The following KSR1 variants were observed in gnomAD, a reference collection of about 807,000 sequenced individuals.
KSR1 encodes the protein kinase suppressor of ras.
KSR1 carries 35 observed loss-of-function variants against 92.9 expected under a neutral mutation model. The ratio of observed to expected loss-of-function variants is 0.38; its 90% CI spans 0.29 to 0.50. The LOEUF is 0.50. Among genes scored for constraint, KSR1 ranks in the 20% least tolerant of loss-of-function variants. The pLI, the probability that KSR1 is intolerant of heterozygous loss-of-function variation, is 0.94. For missense variants in KSR1, 972 were observed against 1,158.5 expected (o/e 0.84, Z 2.34); for synonymous variants, 467 against 472.6 (o/e 0.99, Z 0.15).
At chr17:27,531,377 G>T (rs1020081760) in intron 1 of KSR1, among the ~76,000 whole-genome samples, 1 of 152,248 alleles carries the variant, frequency 6.6e-6, no homozygotes, top group Non-Finnish European at 1.5e-5. Flanking sequence ...GGGAGGCCAC[G>T]CCTTTGAAGG....
At chr17:27,590,115 G>A (rs1375009746) in intron 6 of KSR1, among the ~76,000 whole-genome samples, 1 of 152,176 alleles carries the variant, frequency 6.6e-6, no homozygotes, top group African/African-American at 2.4e-5. Flanking sequence ...TGAAGATGAA[G>A]AACATTCCAG....
chr17:27,562,408 G>T (rs1300101831), intron 2 of KSR1, among the ~76,000 whole-genome samples: 1 of 152,260 alleles, frequency 6.6e-6, no homozygotes, highest in Non-Finnish European at 1.5e-5. Flanking sequence ...TCTCTGGGGA[G>T]GGTGAAGACG....
chr17:27,570,224 T>C (rs2072252486), intron 2 of KSR1, among the ~76,000 whole-genome samples: 2 of 152,168 alleles, frequency 1.3e-5, no homozygotes, highest in Non-Finnish European at 2.9e-5. Flanking sequence ...AAATAAACGC[T>C]GCCCTGGGAA....
In KSR1 at chr17:27,585,674, C is replaced by T. The variant is rs1331267950; in HGVS notation, c.985+13C>T. The T allele has an allele frequency of 1.3e-6, 1 of 763,848 alleles. No individual in the cohort carries two copies. Among genetic ancestry groups the T allele is most frequent in the Non-Finnish European group, 2.4e-6 (1 of 409,758 alleles). The allele number at this position is 763,848 out of a possible 1,614,324, so 47.3% of individuals were successfully genotyped here. On this transcript the variant is annotated intron_variant, in intron 5 of 20. Coordinates refer to ENST00000644974, the MANE Select transcript of KSR1 (RefSeq NM_001394583.1). The stretch of plus-strand genomic sequence containing the variant: ...TCCTCCAGGTTTGGTAAGAGAGATT[C>T]ATTTCCATCCCCTCTACCACCTGGG...
At chr17:27,622,664 C>G (rs112634668) in intron 20 of KSR1, 3 of 152,962 alleles carry the variant, frequency 2.0e-5, no homozygotes, top group African/African-American at 7.2e-5. Context: ...GTCTCTGCCC[C>G]GTCCCCACCC....
chr17:27,546,081 G>C (rs756568893), intron 1 of KSR1, among the ~76,000 whole-genome samples: 4 of 152,222 alleles, frequency 2.6e-5, no homozygotes, highest in Non-Finnish European at 5.9e-5. Flanking sequence ...TTGATTTATA[G>C]TCCTGTCTCT....
chr17:27,494,062 G>A (rs1178630955), intron 1 of KSR1, among the ~76,000 whole-genome samples: 1 of 151,994 alleles, frequency 6.6e-6, no homozygotes, highest in Admixed American at 6.6e-5. Flanking sequence ...TGTCCACAGT[G>A]GTTTGGAGCA....
At chr17:27,588,609 C>A in intron 6 of KSR1, 74 bp downstream of exon 6, 2 of 1,335,996 alleles carry the variant, frequency 1.5e-6, no homozygotes, top group South Asian at 2.9e-5. Context: ...GAGTTCTGGT[C>A]ACTGTTTCTC....
chr17:27,547,804 CT>C (rs1301181380), intron 1 of KSR1, among the ~76,000 whole-genome samples: 1 of 152,158 alleles, frequency 6.6e-6, no homozygotes, highest in Non-Finnish European at 1.5e-5. Context: ...CCTCTGCCTC[CT>C]GGGTTCAAGT....
At chr17:27,464,589 G>C (rs2019594378) in intron 1 of KSR1, among the ~76,000 whole-genome samples, 1 of 151,838 alleles carries the variant, frequency 6.6e-6, no homozygotes. Context: ...GGGTGGTTGT[G>C]CACACCTGTT....
intron 2 of KSR1, among the ~76,000 whole-genome samples, chr17:27,554,383 G>T (rs557406050): frequency 6.6e-6 from 1 of 152,168 alleles, no homozygotes; most frequent in Non-Finnish European, 1.5e-5. Context: ...GGCCTCTTAG[G>T]AACTGGGCCA....
intron 1 of KSR1, among the ~76,000 whole-genome samples, chr17:27,545,380 C>A (rs576098443): frequency 6.6e-6 from 1 of 152,332 alleles, no homozygotes; most frequent in South Asian, 2.1e-4. Flanking sequence ...ATCCTTTCAA[C>A]AAAGGTTTTA....
chr17:27,585,502 G>T (rs951029740), intron 4 of KSR1, among the ~76,000 whole-genome samples, 155 bp from the exon 5 acceptor site: 4 of 152,120 alleles, frequency 2.6e-5, no homozygotes, highest in Non-Finnish European at 4.4e-5. Flanking sequence ...AGATTGCAGG[G>T]GTTCCCAGAG....
chr17:27,583,047 C>T lies in KSR1; in HGVS notation c.922C>T (p.Arg308Trp), dbSNP rs1235290800. 3 of 1,606,052 alleles carry T rather than the reference C, an allele frequency of 1.9e-6. No individual in the cohort carries two copies. Among genetic ancestry groups the T allele is most frequent in the Non-Finnish European group, 8.5e-7 (1 of 1,176,202 alleles). The change falls in exon 4 of 21, where the codon CGG becomes TGG. Residue 308 changes from arginine (R) to tryptophan (W), a missense_variant. Arg to Trp is a moderately radical substitution (Grantham distance 101). Coordinates refer to ENST00000644974, the MANE Select transcript of KSR1 (RefSeq NM_001394583.1). ...QLLPSFPTLTRSKSHESQLGN... is the reference protein window; with the variant it reads ...QLLPSFPTLTWSKSHESQLGN... ...GCTGCCCAGCTTCCCCACACTCACC[C>T]GGAGCAAGTCCCATGAGTCTCAGCT... is the stretch of plus-strand genomic sequence containing the variant.
chr17:27,518,703 T>G (rs1254786487), intron 1 of KSR1, among the ~76,000 whole-genome samples: 1 of 151,910 alleles, frequency 6.6e-6, no homozygotes, highest in Non-Finnish European at 1.5e-5. Flanking sequence ...TTGGCAGGAG[T>G]CGGGAAAGCT....
intron 1 of KSR1, among the ~76,000 whole-genome samples, chr17:27,481,404 T>C (rs1468229624): frequency 6.6e-6 from 1 of 152,216 alleles, no homozygotes; most frequent in East Asian, 1.9e-4. Flanking sequence ...ATTCTGTCTC[T>C]CATGGGCCAA....
intron 1 of KSR1, chr17:27,526,809 C>A: frequency 1.0e-6 from 1 of 966,156 alleles, no homozygotes. Flanking sequence ...TGGGCCGTGG[C>A]GTGGTATTTG....
intron 1 of KSR1, among the ~76,000 whole-genome samples, chr17:27,547,687 A>T (rs973132302): frequency 2.0e-5 from 3 of 152,048 alleles, no homozygotes; most frequent in Non-Finnish European, 2.9e-5. Context: ...CAGACAAGGG[A>T]TACTCAGCCT....
rs778827990 is a variant in KSR1 at position 27,604,695 on chromosome 17, G to A, written c.1581G>A (p.Pro527=). 32 of 1,613,906 alleles carry A rather than the reference G, an allele frequency of 2.0e-5. 1 individual carries two copies. The South Asian group carries it at 2.5e-4, about 13-fold the overall frequency. ...TTACTCTTAGGCTCGATGACCAGCC[G>A]AAAGCAGATGTGTTGGAAGCTCACG... ...AADGTRLDDQ[P]KADVLEAHEA... Residue 527 remains proline (P), a synonymous_variant, in exon 13 of 21, where the codon CCG becomes CCA. Coordinates refer to ENST00000644974, the MANE Select transcript of KSR1 (RefSeq NM_001394583.1).
Sources: gnomAD v4.1 joint callset for allele counts (sites outside exome capture counted in the v4.1 genomes callset) on GRCh38, gnomAD v4.1.1 for gene constraint, MANE v1.5 for transcripts, NCBI Gene and HGNC (gene_info 2026-07-23, HGNC 2026-07-21) for gene names.